Variants in SHBG observed in about 807,000 individuals in gnomAD.
The protein encoded by SHBG is sex hormone binding globulin, also known as sex hormone-binding globulin.
Under a neutral mutation model 41.9 loss-of-function variants are expected in SHBG, and 37 were observed. The observed-to-expected ratio is 0.88, with a 90% confidence interval of 0.68 to 1.16. The LOEUF is 1.16. SHBG is among the 50% of genes most tolerant of loss of function. The probability of loss-of-function intolerance (pLI) is 0.00; values close to 1 mark genes in which losing one functional copy is unlikely to be tolerated. For synonymous variants in SHBG, 217 were observed against 205.8 expected, an observed-to-expected ratio of 1.05 and a Z score of -0.47; for missense variants, 466 against 499.9, an observed-to-expected ratio of 0.93 and a Z score of 0.65.
intron 1 of SHBG, among the ~76,000 whole-genome samples, chr17:7,618,995 C>G (rs2072041726): frequency 6.6e-6 from 1 of 152,020 alleles, no homozygotes; most frequent in Non-Finnish European, 1.5e-5. Context: ...ACAGAGAGGA[C>G]AAGGCAGTTA....
Position 7,631,966 on chromosome 17 carries a change from T to TC in SHBG, c.803_804insC (p.Gly269TrpfsTer70). The TC allele has an allele frequency of 6.2e-7, 1 of 1,614,008 alleles. No homozygotes were observed. The highest frequency in any genetic ancestry group is 8.5e-7 in the Non-Finnish European group (1 of 1,180,008). ...GCAGGCTCAGGCCACCTCCTTGCTC[T>TC]TGGGACACCAGAGAACCCATCTTGG... On this transcript the variant is annotated frameshift_variant, in exon 6 of 8. Coordinates refer to ENST00000380450, the MANE Select transcript of SHBG (RefSeq NM_001040.5). LOFTEE classifies it high-confidence loss of function.
At chr17:7,618,819 G>T (rs2072038695) in intron 1 of SHBG, among the ~76,000 whole-genome samples, 1 of 152,164 alleles carries the variant, frequency 6.6e-6, no homozygotes, top group African/African-American at 2.4e-5. Flanking sequence ...GATCCCAATT[G>T]CGCAGCCTCA....
At chr17:7,627,934 T>TCC (rs148963195), upstream of SHBG, 516 of 518,848 alleles carry the variant, frequency 9.9e-4, 4 homozygotes, top group Middle Eastern at 3.8e-3. This position sits in a 1 kb window ranked among gnomAD's most constrained non-coding sequence, Gnocchi z 4.8. Context: ...CACGGCCGCG[T>TCC]CCCCCCCAAG....
At chr17:7,614,354 G>A (rs1040511326) in intron 1 of SHBG, 2 of 885,774 alleles carry the variant, frequency 2.3e-6, no homozygotes, top group Admixed American at 2.5e-5. Context: ...CTAAGGGCCA[G>A]GACTCAGCTC....
rs746092890 is a variant in SHBG, at chr17:7,633,190, C to T, written c.1061-14C>T. Reference sequence around the variant, plus strand: ...TTAATGCTCTAATGCCACCTTTGCACTACCTCCCTCTAGGAGAAGACTCTT... The same window carrying T: ...TTAATGCTCTAATGCCACCTTTGCATTACCTCCCTCTAGGAGAAGACTCTT... On this transcript the variant is annotated splice_polypyrimidine_tract_variant and intron_variant, in intron 7 of 7. Transcript: ENST00000380450. 1.2e-6 allele frequency: 2 copies of T among 1,614,098 alleles called. No individual in the cohort carries two copies. The highest frequency in any genetic ancestry group is 1.7e-5 in the Admixed American group (1 of 60,030).
At chr17:7,617,871 C>G (rs556931472) in intron 1 of SHBG, among the ~76,000 whole-genome samples, 1 of 152,242 alleles carries the variant, frequency 6.6e-6, no homozygotes, top group African/African-American at 2.4e-5. Flanking sequence ...ATCACTTGAG[C>G]TCGGGCGTTC....
At chr17:7,627,709 G>T, upstream of SHBG, 2 of 1,545,950 alleles carry the variant, frequency 1.3e-6, no homozygotes, top group South Asian at 1.1e-5. The surrounding 1 kb of genome is among the most constrained non-coding windows in gnomAD (Gnocchi z 4.8). Flanking sequence ...AGGGCCTACG[G>T]ACTTGGATCC....
chr17:7,626,875 G>C, upstream of SHBG: 3 of 1,604,022 alleles, frequency 1.9e-6, no homozygotes, highest in Non-Finnish European at 2.6e-6. Flanking sequence ...GGGCTCTGGG[G>C]ACAGGGGATA....
chr17:7,629,053 T>A (rs923024383), upstream of SHBG, among the ~76,000 whole-genome samples: 1 of 146,386 alleles, frequency 6.8e-6, no homozygotes. Flanking sequence ...CGAAACTCCA[T>A]CTCAAAATAA....
chr17:7,627,465 C>G, upstream of SHBG: 1 of 1,607,746 alleles, frequency 6.2e-7, no homozygotes, highest in Non-Finnish European at 8.5e-7. The surrounding 1 kb of genome is among the most constrained non-coding windows in gnomAD (Gnocchi z 4.8). Flanking sequence ...CCCGCTGCTC[C>G]CCGAGCAGGT....
chr17:7,627,329 A>T, upstream of SHBG: 1 of 1,613,938 alleles, frequency 6.2e-7, no homozygotes, highest in Non-Finnish European at 8.5e-7. The surrounding 1 kb of genome is among the most constrained non-coding windows in gnomAD (Gnocchi z 4.8). Context: ...TTTCCTCCCC[A>T]GCCTCCGCCA....
At chr17:7,626,477 T>C (rs982598982), upstream of SHBG, 13 of 1,614,058 alleles carry the variant, frequency 8.1e-6, no homozygotes, top group Non-Finnish European at 1.1e-5. Context: ...TCGTTGCCTC[T>C]CCTTGAAAGC....
chr17:7,626,657 A>T (rs755978800), upstream of SHBG: 27 of 1,611,020 alleles, frequency 1.7e-5, no homozygotes, highest in South Asian at 2.9e-4. Flanking sequence ...GTCAAAAAAG[A>T]AAAAGGTTTT....
chr17:7,625,398 A>G (rs1250690487), upstream of SHBG, among the ~76,000 whole-genome samples: 2 of 151,328 alleles, frequency 1.3e-5, no homozygotes, highest in Non-Finnish European at 2.9e-5. Flanking sequence ...TAACACGGTG[A>G]AACCCCGTCT....
At chr17:7,626,864 TG>T (rs1220714112), upstream of SHBG, 1 of 1,606,548 alleles carries the variant, frequency 6.2e-7, no homozygotes, top group Non-Finnish European at 8.5e-7. Flanking sequence ...TGACACCGGC[TG>T]GGCTCTGGGG....
At chr17:7,626,211 T>C (rs879027763), upstream of SHBG, 1 of 366,972 alleles carries the variant, frequency 2.7e-6, no homozygotes, top group East Asian at 4.8e-5. Flanking sequence ...AAAAAAGAAA[T>C]AAAAGAAAGA....
chr17:7,630,676 C>T lies in SHBG; in HGVS notation c.204-4C>T, dbSNP rs777522320. The T allele has an allele frequency of 3.7e-6, 6 of 1,613,138 alleles. No homozygotes were observed. In the Admixed American group the frequency reaches 1.0e-4, roughly 27 times the overall value. On this transcript the variant is annotated splice_region_variant and splice_polypyrimidine_tract_variant and intron_variant, in intron 2 of 7. Transcript: ENST00000380450. This position sits in a 1 kb window ranked among gnomAD's most constrained non-coding sequence, Gnocchi z 4.6. ...ACACAATCTTTCCTTCTGTGTCCTT[C>T]CAGAACCTCCTCCTCCTTTGAGGTT...
chr17:7,617,190 A>G (rs773609477), intron 1 of SHBG, among the ~76,000 whole-genome samples: 7 of 152,038 alleles, frequency 4.6e-5, no homozygotes, highest in Non-Finnish European at 5.9e-5. Flanking sequence ...ACATCTGGCT[A>G]ATTTTTAAAT....
At position 7,630,774 on chromosome 17, in the gene SHBG, C is replaced by A. The variant is rs2150968018; in HGVS notation, c.298C>A (p.Leu100Ile). 6.2e-7 allele frequency: 1 copy of A among 1,614,062 alleles called. No individual in the cohort carries two copies. The highest frequency in any genetic ancestry group is 2.2e-5 in the East Asian group (1 of 44,874). ...NPKDDWFMLG[L>I]RDGRPEIQLH... ...TAAGGATGACTGGTTTATGCTGGGACTTCGAGACGGCAGGCCTGAGATCCA... is the reference window on the plus strand; with the variant it reads ...TAAGGATGACTGGTTTATGCTGGGAATTCGAGACGGCAGGCCTGAGATCCA... The change falls in exon 3 of 8, where the codon CTT becomes ATT. Residue 100 changes from leucine (L) to isoleucine (I), a missense_variant. Leu to Ile is a conservative substitution (Grantham distance 5). Transcript: ENST00000380450. The surrounding 1 kb of genome is among the most constrained non-coding windows in gnomAD (Gnocchi z 4.6).
Sources: gnomAD v4.1 joint callset for allele counts (sites outside exome capture counted in the v4.1 genomes callset) on GRCh38, gnomAD v4.1.1 for gene constraint, Gnocchi (gnomAD v3.1) non-coding constraint, MANE v1.5 for transcripts, NCBI Gene and HGNC (gene_info 2026-07-23, HGNC 2026-07-21) for gene names.